TENM3: variants seen among roughly 807,000 people sequenced by gnomAD.
The protein encoded by TENM3 is teneurin-3.
In TENM3, 63 loss-of-function variants were observed where a neutral mutation model predicts 255.1. The ratio of observed to expected loss-of-function variants is 0.25; its 90% CI spans 0.20 to 0.30. TENM3 has a LOEUF of 0.30. Ranked by LOEUF, TENM3 falls within the 10% of genes least tolerant of loss-of-function variation. The pLI is 1.00. For missense variants in TENM3, 2,929 were observed against 3,461.1 expected (o/e 0.85, Z 3.86); for synonymous variants, 1,306 against 1,322.3 (o/e 0.99, Z 0.27).
chr4:182,154,756 A>T (rs1292445729), intron 1 of TENM3, among the ~76,000 whole-genome samples: 1 of 152,218 alleles, frequency 6.6e-6, no homozygotes, highest in Non-Finnish European at 1.5e-5. Flanking sequence ...AAATAGTGAC[A>T]TATAAAAATG....
intron 22 of TENM3, among the ~76,000 whole-genome samples, chr4:182,758,314 T>C (rs1480921840): frequency 1.3e-5 from 2 of 151,964 alleles, no homozygotes; most frequent in African/African-American, 2.4e-5. Context: ...TAAAACACAT[T>C]CAAAAGGAAA....
At chr4:181,549,193 C>T in the TENM3 span, among the ~76,000 whole-genome samples, 1 of 152,142 alleles carries the variant, frequency 6.6e-6, no homozygotes, top group Non-Finnish European at 1.5e-5. Context: ...GCCAGAGGTC[C>T]CTTTGACTAG....
chr4:182,029,896 C>CTTTATA, the TENM3 span, among the ~76,000 whole-genome samples: 1 of 142,766 alleles, frequency 7.0e-6, no homozygotes, highest in Non-Finnish European at 1.5e-5. Flanking sequence ...TGCTAACATT[C>CTTTATA]TTTATATTGA....
chr4:182,175,359 A>G (rs1334726071), intron 1 of TENM3, among the ~76,000 whole-genome samples: 2 of 150,188 alleles, frequency 1.3e-5, no homozygotes, highest in African/African-American at 2.4e-5. Flanking sequence ...GCAAACCATA[A>G]AAAGTCTATA....
intron 1 of TENM3, among the ~76,000 whole-genome samples, chr4:182,262,798 C>G (rs537768695): frequency 6.7e-6 from 1 of 150,122 alleles, no homozygotes; most frequent in South Asian, 2.1e-4. Flanking sequence ...ACTCCAAGCT[C>G]CGCCTCCCGG....
the TENM3 span, among the ~76,000 whole-genome samples, chr4:181,628,814 C>A: frequency 6.6e-6 from 1 of 152,076 alleles, no homozygotes; most frequent in Non-Finnish European, 1.5e-5. Context: ...CTTGGCAGTG[C>A]GGCCTCTTTT....
At chr4:182,409,987 G>A (rs1284257293) in intron 3 of TENM3, among the ~76,000 whole-genome samples, 5 of 151,876 alleles carry the variant, frequency 3.3e-5, no homozygotes, top group African/African-American at 1.2e-4. Context: ...CATCATGCCT[G>A]GCTAATTTTT....
intron 3 of TENM3, among the ~76,000 whole-genome samples, chr4:182,537,984 A>G (rs1431343785): frequency 6.6e-6 from 1 of 152,204 alleles, no homozygotes; most frequent in Non-Finnish European, 1.5e-5. Flanking sequence ...TTATTAAGTG[A>G]GGGCTTTAAA....
At chr4:181,714,294 T>C in the TENM3 span, among the ~76,000 whole-genome samples, 1 of 151,972 alleles carries the variant, frequency 6.6e-6, no homozygotes, top group African/African-American at 2.4e-5. Flanking sequence ...AAAAAAAAAT[T>C]AGCTGGGTGT....
chr4:181,870,801 T>A, the TENM3 span, among the ~76,000 whole-genome samples: 7 of 152,134 alleles, frequency 4.6e-5, no homozygotes, highest in Non-Finnish European at 8.8e-5. Context: ...TAGGCTTTTT[T>A]AAATTTTGAT....
the TENM3 span, among the ~76,000 whole-genome samples, chr4:182,020,089 G>A: frequency 2.6e-5 from 4 of 152,132 alleles, no homozygotes; most frequent in Non-Finnish European, 5.9e-5. Flanking sequence ...CTGGGGCCAG[G>A]TGCTGTGGTT....
At chr4:182,189,982 T>C (rs1277059074) in intron 1 of TENM3, among the ~76,000 whole-genome samples, 1 of 152,254 alleles carries the variant, frequency 6.6e-6, no homozygotes, top group Non-Finnish European at 1.5e-5. Context: ...AATTCTAATT[T>C]TCTTACGAAC....
At chr4:182,778,266 G>A (rs1022291066) in intron 24 of TENM3, among the ~76,000 whole-genome samples, 8 of 152,048 alleles carry the variant, frequency 5.3e-5, no homozygotes, top group Non-Finnish European at 7.4e-5. Flanking sequence ...AAAAAAAATC[G>A]TAGTGAATCA....
the TENM3 span, among the ~76,000 whole-genome samples, chr4:181,607,803 A>C: frequency 6.6e-6 from 1 of 152,198 alleles, no homozygotes; most frequent in Non-Finnish European, 1.5e-5. Context: ...AAAACTTTTC[A>C]AGCCAAATTG....
the TENM3 span, among the ~76,000 whole-genome samples, chr4:182,051,537 T>C: frequency 0.71 from 107,051 of 151,490 alleles, 40,903 homozygotes; most frequent in East Asian, 0.91. Flanking sequence ...GCCACCGCGC[T>C]CGGCTAATTT....
the TENM3 span, among the ~76,000 whole-genome samples, chr4:181,996,805 G>C: frequency 9.2e-5 from 14 of 152,154 alleles, no homozygotes; most frequent in Non-Finnish European, 2.1e-4. Flanking sequence ...GGGAACAAGG[G>C]TGGCCACTAT....
At chr4:181,787,619 C>G in the TENM3 span, among the ~76,000 whole-genome samples, 3 of 152,150 alleles carry the variant, frequency 2.0e-5, no homozygotes, top group South Asian at 2.1e-4. Flanking sequence ...AGATTACAAG[C>G]GTGAGCCACT....
At chr4:182,403,505 A>G (rs1224064942) in intron 3 of TENM3, among the ~76,000 whole-genome samples, 1 of 152,234 alleles carries the variant, frequency 6.6e-6, no homozygotes, top group African/African-American at 2.4e-5. Flanking sequence ...ATAGGGACAC[A>G]CTATCTGATG....
the TENM3 span, among the ~76,000 whole-genome samples, chr4:181,706,956 G>C: frequency 4.3e-4 from 65 of 152,148 alleles, no homozygotes; most frequent in African/African-American, 1.5e-3. Flanking sequence ...CCATCTCCCT[G>C]GTCCTGGAAG....
Sources: allele counts gnomAD v4.1 joint callset (sites outside exome capture counted in the v4.1 genomes callset), GRCh38; gene constraint gnomAD v4.1.1; transcripts MANE v1.5; gene names NCBI Gene and HGNC (gene_info 2026-07-23, HGNC 2026-07-21).